The following EXOC4 variants were observed in gnomAD, a reference collection of about 807,000 sequenced individuals.
EXOC4 encodes the protein exocyst complex component 4.
EXOC4 carries 71 observed loss-of-function variants against 107.2 expected under a neutral mutation model. The ratio of observed to expected loss-of-function variants is 0.66; its 90% CI spans 0.55 to 0.81. EXOC4 has a LOEUF of 0.81. Among genes scored for constraint, EXOC4 ranks in the 30% least tolerant of loss-of-function variants. The probability of loss-of-function intolerance (pLI) is 0.00; values close to 1 mark genes in which losing one functional copy is unlikely to be tolerated. For missense variants in EXOC4, 1,108 were observed against 1,189.6 expected, an observed-to-expected ratio of 0.93 and a Z score of 1.01; for synonymous variants, 456 against 441.2, an observed-to-expected ratio of 1.03 and a Z score of -0.42.
intron 9 of EXOC4, among the ~76,000 whole-genome samples, chr7:133,537,093 A>G (rs1173995745): frequency 6.6e-6 from 1 of 152,126 alleles, no homozygotes; most frequent in African/African-American, 2.4e-5. Flanking sequence ...GATGTGCTAT[A>G]TCCTTAGCCA....
intron 9 of EXOC4, among the ~76,000 whole-genome samples, chr7:133,606,567 T>A (rs1360689594): frequency 1.3e-5 from 2 of 150,586 alleles, no homozygotes; most frequent in African/African-American, 4.9e-5. Context: ...CAGGCCGGAG[T>A]GCAGTGGTGC....
intron 11 of EXOC4, among the ~76,000 whole-genome samples, chr7:133,886,929 C>A (rs1177561832): frequency 6.6e-6 from 1 of 152,190 alleles, no homozygotes; most frequent in Non-Finnish European, 1.5e-5. Flanking sequence ...ACTACAGTGT[C>A]ATTTTTCTTG....
At chr7:134,050,034 T>A (rs1048425834) in intron 17 of EXOC4, among the ~76,000 whole-genome samples, 5 of 152,206 alleles carry the variant, frequency 3.3e-5, no homozygotes, top group Admixed American at 2.0e-4. Flanking sequence ...GGCTCTATTG[T>A]TAAGTAGAAA....
chr7:133,789,236 C>A (rs1796653780), intron 10 of EXOC4, among the ~76,000 whole-genome samples: 2 of 152,096 alleles, frequency 1.3e-5, no homozygotes, highest in Non-Finnish European at 2.9e-5. Flanking sequence ...AGCATCTATT[C>A]CGGAAATGTG....
At chr7:133,753,942 TC>T (rs1376161744) in intron 10 of EXOC4, among the ~76,000 whole-genome samples, 1 of 152,218 alleles carries the variant, frequency 6.6e-6, no homozygotes, top group African/African-American at 2.4e-5. Flanking sequence ...TTATAATTCT[TC>T]TAATGTGCCA....
At chr7:133,631,435 A>G (rs1159019419) in intron 10 of EXOC4, among the ~76,000 whole-genome samples, 1 of 152,124 alleles carries the variant, frequency 6.6e-6, no homozygotes, top group Non-Finnish European at 1.5e-5. Context: ...AATCTCTTAT[A>G]TAGCTAACCA....
Position 133,326,283 on chromosome 7 carries a change from C to A in EXOC4, c.763+8893C>A, listed in dbSNP as rs1795238561. Among the ~76,000 whole-genome samples, 14 of 152,270 alleles carry A rather than the reference C, an allele frequency of 9.2e-5. No individual in the cohort carries two copies. In the South Asian group the frequency reaches 2.9e-3, roughly 32 times the overall value. On this transcript the variant is annotated intron_variant, in intron 5 of 17. Coordinates refer to ENST00000253861, the MANE Select transcript of EXOC4 (RefSeq NM_021807.4). ...GCGTTCCTTTGGAGGGGGAGAGGCG[C>A]TCTGATTTTTAGAATTTTCAGCTTT...
intron 11 of EXOC4, among the ~76,000 whole-genome samples, chr7:133,828,481 A>G (rs1797746589): frequency 6.6e-6 from 1 of 152,176 alleles, no homozygotes; most frequent in African/African-American, 2.4e-5. Flanking sequence ...TTTTTGCCCT[A>G]TGTGGATGTT....
chr7:133,409,377 G>A (rs1024242671), intron 7 of EXOC4, among the ~76,000 whole-genome samples: 12 of 152,206 alleles, frequency 7.9e-5, no homozygotes, highest in Admixed American at 7.2e-4. Flanking sequence ...CATGCTATAA[G>A]CACAGTGATT....
intron 10 of EXOC4, among the ~76,000 whole-genome samples, chr7:133,755,234 AAT>A (rs1416334741): frequency 8.3e-5 from 9 of 108,050 alleles, no homozygotes; most frequent in Non-Finnish European, 1.4e-4. Flanking sequence ...ATATATATAT[AAT>A]ATATATAATA....
intron 9 of EXOC4, among the ~76,000 whole-genome samples, chr7:133,569,637 C>T (rs190442136): frequency 3.3e-4 from 50 of 152,060 alleles, no homozygotes; most frequent in Non-Finnish European, 2.1e-4. Flanking sequence ...AATGTATATA[C>T]GTAGGTATGT....
chr7:133,532,727 T>C (rs1800203341), intron 9 of EXOC4, among the ~76,000 whole-genome samples: 1 of 152,024 alleles, frequency 6.6e-6, no homozygotes, highest in African/African-American at 2.4e-5. Flanking sequence ...TATTCCAATA[T>C]AAAGATGTTT....
Position 133,583,477 on chromosome 7 carries a change from A to G in EXOC4, c.1418-46568A>G, listed in dbSNP as rs59605242. Among the ~76,000 whole-genome samples, 8 of 152,322 alleles carry G rather than the reference A, an allele frequency of 5.3e-5. No homozygotes were observed. In the East Asian group the frequency reaches 1.5e-3, roughly 29 times the overall value. ...CTGGGAACATAGAAGGGCACTTGAG[A>G]GGTGCAGGCAAGATTTTGCAGGAGA... On this transcript the variant is annotated intron_variant, in intron 9 of 17. Transcript: ENST00000253861.
intron 9 of EXOC4, among the ~76,000 whole-genome samples, chr7:133,518,978 T>C (rs565580556): frequency 7.9e-5 from 12 of 152,226 alleles, no homozygotes; most frequent in African/African-American, 2.6e-4. Context: ...ATAGTAAAAA[T>C]GGTAATTTTT....
chr7:133,272,306 A>G (rs932635821), intron 1 of EXOC4, among the ~76,000 whole-genome samples: 1 of 152,184 alleles, frequency 6.6e-6, no homozygotes, highest in Non-Finnish European at 1.5e-5. Flanking sequence ...TAGGAGTGCA[A>G]TCTGAAAGCA....
At chr7:134,049,727 A>G (rs932446942) in intron 17 of EXOC4, among the ~76,000 whole-genome samples, 2 of 152,224 alleles carry the variant, frequency 1.3e-5, no homozygotes, top group African/African-American at 4.8e-5. Flanking sequence ...CCAGAGAACA[A>G]GGACTATGTT....
intron 10 of EXOC4, among the ~76,000 whole-genome samples, chr7:133,697,313 T>C (rs1585085919): frequency 1.3e-5 from 2 of 152,284 alleles, no homozygotes; most frequent in East Asian, 3.9e-4. Flanking sequence ...GAGACTTGAG[T>C]AGCTTATTTT....
intron 2 of EXOC4, among the ~76,000 whole-genome samples, chr7:133,287,817 A>G (rs1794316143): frequency 6.6e-6 from 1 of 152,168 alleles, no homozygotes; most frequent in Non-Finnish European, 1.5e-5. Context: ...TAGTTTTGTA[A>G]TCACCGGAGG....
chr7:133,931,524 AT>A (rs1800174922), intron 13 of EXOC4, among the ~76,000 whole-genome samples: 1 of 152,224 alleles, frequency 6.6e-6, no homozygotes, highest in African/African-American at 2.4e-5. Flanking sequence ...TGTTAATAAT[AT>A]AGGCAAAAGA....
Sources: allele counts gnomAD v4.1 joint callset (sites outside exome capture counted in the v4.1 genomes callset), GRCh38; gene constraint gnomAD v4.1.1; transcripts MANE v1.5; gene names NCBI Gene and HGNC (gene_info 2026-07-23, HGNC 2026-07-21).